The following VSIG10 variants were observed in gnomAD, a reference collection of about 807,000 sequenced individuals.
VSIG10 encodes the protein V-set and immunoglobulin domain-containing protein 10.
In VSIG10, 48 loss-of-function variants were observed where a neutral mutation model predicts 58.7. The observed-to-expected ratio is 0.82, with a 90% confidence interval of 0.65 to 1.04. The LOEUF is 1.04. Ranked by LOEUF, VSIG10 falls within the 50% of genes least tolerant of loss-of-function variation. The pLI, the probability that VSIG10 is intolerant of heterozygous loss-of-function variation, is 0.00. For missense variants in VSIG10, 628 were observed against 670.0 expected (o/e 0.94, Z 0.69); for synonymous variants, 260 against 267.1 (o/e 0.97, Z 0.26).
At chr12:118,098,771 C>G (rs534630988) in intron 1 of VSIG10, among the ~76,000 whole-genome samples, 140 of 152,266 alleles carry the variant, frequency 9.2e-4, no homozygotes, top group Middle Eastern at 3.4e-3. Flanking sequence ...AAGCCCAGAT[C>G]GGCAGCCGCA....
chr12:118,069,503 G>A (rs753476796), intron 7 of VSIG10, among the ~76,000 whole-genome samples: 1 of 140,056 alleles, frequency 7.1e-6, no homozygotes, highest in Non-Finnish European at 1.5e-5. Flanking sequence ...ATGGCTCACC[G>A]CAACCTCTGC....
intron 4 of VSIG10, among the ~76,000 whole-genome samples, chr12:118,074,788 A>AT (rs962806438): frequency 2.0e-5 from 3 of 152,078 alleles, no homozygotes; most frequent in Non-Finnish European, 4.4e-5. Flanking sequence ...CAATTCATAA[A>AT]TTTTTTATTT....
chr12:118,068,244 A>G (rs1281440131), intron 8 of VSIG10, 133 bp downstream of exon 8: 3 of 457,230 alleles, frequency 6.6e-6, no homozygotes, highest in Admixed American at 4.2e-5. Context: ...CATGTTGCCC[A>G]GGCTAGTCTT....
In VSIG10 at chr12:118,071,944, C is replaced by T. The variant is rs796390959; in HGVS notation, c.1220-475G>A. Among the ~76,000 whole-genome samples, 12 of 151,956 alleles carry T rather than the reference C, an allele frequency of 7.9e-5. No individual in the cohort carries two copies. In the East Asian group the frequency reaches 1.5e-3, roughly 20 times the overall value. Reference sequence around the variant, plus strand: ...CAGCACTTTGGGAGGCTGAGGAGGGCGGATCACCTGAAGTCGGGAGATCGA... The same window carrying T: ...CAGCACTTTGGGAGGCTGAGGAGGGTGGATCACCTGAAGTCGGGAGATCGA... On this transcript the variant is annotated intron_variant, in intron 5 of 8. Transcript: ENST00000359236.
At chr12:118,099,983 T>C (rs1281808706) in intron 1 of VSIG10, among the ~76,000 whole-genome samples, 2 of 152,174 alleles carry the variant, frequency 1.3e-5, no homozygotes, top group East Asian at 3.9e-4. Flanking sequence ...ACACCAAATT[T>C]TAAAAACTAA....
intron 5 of VSIG10, among the ~76,000 whole-genome samples, chr12:118,071,854 G>C (rs2032508290): frequency 6.6e-6 from 1 of 152,236 alleles, no homozygotes; most frequent in Admixed American, 6.5e-5. Flanking sequence ...AGGGTCTTGA[G>C]CAAAGGAAGC....
At chr12:118,094,738 T>TG (rs2033395288) in intron 2 of VSIG10, among the ~76,000 whole-genome samples, 1 of 139,750 alleles carries the variant, frequency 7.2e-6, no homozygotes, top group Non-Finnish European at 1.5e-5. Flanking sequence ...GAAGCAATAA[T>TG]TTTTTTTTTT....
intron 1 of VSIG10, among the ~76,000 whole-genome samples, chr12:118,096,389 A>G (rs187028427): frequency 2.0e-5 from 3 of 151,730 alleles, no homozygotes; most frequent in East Asian, 2.0e-4. Context: ...GACCAGCCTA[A>G]CCAACATGCA....
At chr12:118,085,995 T>C (rs1566169891) in intron 2 of VSIG10, among the ~76,000 whole-genome samples, 2 of 150,190 alleles carry the variant, frequency 1.3e-5, no homozygotes, top group Non-Finnish European at 2.9e-5. Context: ...CTGTCTTTTC[T>C]AAAAATACAA....
chr12:118,079,968 G>A (rs1366402488), intron 3 of VSIG10, among the ~76,000 whole-genome samples: 1 of 152,134 alleles, frequency 6.6e-6, no homozygotes. Flanking sequence ...CAAGTAGCTG[G>A]GATTACAGGC....
At chr12:118,089,946 A>G (rs2033243995) in intron 2 of VSIG10, among the ~76,000 whole-genome samples, 1 of 151,980 alleles carries the variant, frequency 6.6e-6, no homozygotes, top group African/African-American at 2.4e-5. Flanking sequence ...AAACACATAC[A>G]TTTTCCATGT....
chr12:118,068,659 A>T, intron 7 of VSIG10, 62 bp from the exon 8 acceptor site: 1 of 1,468,336 alleles, frequency 6.8e-7, no homozygotes, highest in Non-Finnish European at 9.0e-7. Context: ...TTCAGCCCTC[A>T]CTGAATAGGA....
At chr12:118,095,927 T>C in intron 1 of VSIG10, 113 bp from the exon 2 acceptor site, 6 of 1,128,444 alleles carry the variant, frequency 5.3e-6, no homozygotes, top group Admixed American at 6.8e-5. Flanking sequence ...TATGTTCTTT[T>C]TTTTTTTTTT....
At chr12:118,072,865 G>GT (rs982162833) in intron 5 of VSIG10, among the ~76,000 whole-genome samples, 1 of 152,076 alleles carries the variant, frequency 6.6e-6, no homozygotes, top group African/African-American at 2.4e-5. Flanking sequence ...ACAATGAATA[G>GT]TTTTTTTAGT....
intron 2 of VSIG10, among the ~76,000 whole-genome samples, chr12:118,084,532 A>C (rs2033060799): frequency 6.6e-6 from 1 of 152,130 alleles, no homozygotes; most frequent in South Asian, 2.1e-4. Context: ...CTGCCACGCA[A>C]AGAGCCCATC....
chr12:118,076,340 TG>T (rs1210550974), intron 4 of VSIG10, among the ~76,000 whole-genome samples: 1 of 150,682 alleles, frequency 6.6e-6, no homozygotes, highest in Non-Finnish European at 1.5e-5. Context: ...ATCTGTGTGA[TG>T]GATATCATGA....
chr12:118,100,545 T>C (rs930083300), intron 1 of VSIG10, among the ~76,000 whole-genome samples: 2 of 152,174 alleles, frequency 1.3e-5, no homozygotes, highest in Admixed American at 6.6e-5. Flanking sequence ...TTTACTTTTT[T>C]TTTGAGATGA....
intron 8 of VSIG10, 141 bp from the exon 9 acceptor site, chr12:118,066,835 G>A (rs942434571): frequency 2.0e-5 from 18 of 888,108 alleles, no homozygotes; most frequent in African/African-American, 5.1e-5. Context: ...GTAGGGCAGC[G>A]TGTGTTTTCC....
chr12:118,096,934 G>C (rs937901625), intron 1 of VSIG10, among the ~76,000 whole-genome samples: 4 of 152,232 alleles, frequency 2.6e-5, no homozygotes, highest in East Asian at 1.9e-4. Context: ...AGCTACTCGG[G>C]AAGCTAAGGT....
Sources: allele counts gnomAD v4.1 joint callset (sites outside exome capture counted in the v4.1 genomes callset), GRCh38; gene constraint gnomAD v4.1.1; transcripts MANE v1.5; gene names NCBI Gene and HGNC (gene_info 2026-07-23, HGNC 2026-07-21).